FOXK1: variants seen among roughly 807,000 people sequenced by gnomAD.
The protein encoded by FOXK1 is forkhead box protein K1.
Under a neutral mutation model 51.9 loss-of-function variants are expected in FOXK1, and 19 were observed. That is an observed-to-expected ratio of 0.37 (90% confidence interval 0.26 to 0.54). The LOEUF (loss-of-function observed/expected upper bound fraction) is 0.54. Ranked by LOEUF, FOXK1 falls within the 20% of genes least tolerant of loss-of-function variation. FOXK1 has a pLI of 0.87. For missense variants in FOXK1, 870 were observed against 1,032.7 expected (o/e 0.84, Z 2.16); for synonymous variants, 537 against 482.6 (o/e 1.11, Z -1.48).
rs754942160 is a variant in FOXK1 at position 4,761,351 on chromosome 7, C to T, written c.1921+63C>T. 59 of 1,478,208 alleles carry T rather than the reference C, an allele frequency of 4.0e-5. No individual in the cohort carries two copies. The highest frequency in any genetic ancestry group is 1.8e-4 in the South Asian group (15 of 84,592). 91.6% of individuals were successfully genotyped at this position (1,478,208 alleles called of 1,614,324 possible). A position where few individuals can be genotyped will look rare whatever the true frequency, so the allele number is the denominator to read the frequency against. On this transcript the variant is annotated intron_variant, in intron 8 of 8. Coordinates refer to ENST00000328914, the MANE Select transcript of FOXK1 (RefSeq NM_001037165.2). This position sits in a 1 kb window ranked among gnomAD's most constrained non-coding sequence, Gnocchi z 6.2. ...GCTCTGTGGCTCCCAGTAGTCAGTGCGGCATGAGAATGTTCTCCCAGTATC... is the reference window on the plus strand; with the variant it reads ...GCTCTGTGGCTCCCAGTAGTCAGTGTGGCATGAGAATGTTCTCCCAGTATC...
At chr7:4,737,952 G>C (rs1322495945) in intron 1 of FOXK1, among the ~76,000 whole-genome samples, 4 of 151,536 alleles carry the variant, frequency 2.6e-5, no homozygotes, top group Non-Finnish European at 5.9e-5. Flanking sequence ...GAAAAACCCT[G>C]TCTCTACTAA....
Position 4,755,172 on chromosome 7 carries a change from CG to C in FOXK1, c.904-62del, listed in dbSNP as rs1780830395. ...GAAGGTTCCTCCCCATCAGCTGTGA[CG>C]GGTGGGTGGGGTAGACTCAGGGACC... On this transcript the variant is annotated intron_variant, in intron 3 of 8. Coordinates refer to ENST00000328914, the MANE Select transcript of FOXK1 (RefSeq NM_001037165.2). This position sits in a 1 kb window ranked among gnomAD's most constrained non-coding sequence, Gnocchi z 6.6. 6.3e-7 allele frequency: 1 copy of C among 1,577,918 alleles called. No homozygotes were observed. Among genetic ancestry groups the C allele is most frequent in the Non-Finnish European group, 8.6e-7 (1 of 1,156,418 alleles).
chr7:4,744,346 C>T (rs1395759796), intron 2 of FOXK1, among the ~76,000 whole-genome samples: 1 of 152,066 alleles, frequency 6.6e-6, no homozygotes, highest in Non-Finnish European at 1.5e-5. Context: ...TTCTGGGGTT[C>T]CCGTTACCTA....
In FOXK1 at chr7:4,743,756, A is replaced by G. The variant is rs1395224318; in HGVS notation, c.746+2733A>G. On this transcript the variant is annotated intron_variant, in intron 2 of 8. Coordinates refer to ENST00000328914, the MANE Select transcript of FOXK1 (RefSeq NM_001037165.2). This position sits in a 1 kb window ranked among gnomAD's most constrained non-coding sequence, Gnocchi z 5.3. ...TTTTGGGGCGGGTAGCAAAGGCCTCAGGTCCAGAGAGAAGCAGGCCAGGCA... is the reference window on the plus strand; with the variant it reads ...TTTTGGGGCGGGTAGCAAAGGCCTCGGGTCCAGAGAGAAGCAGGCCAGGCA... Among the ~76,000 whole-genome samples, 1 of 152,196 alleles carries G rather than the reference A, an allele frequency of 6.6e-6. No homozygotes were observed. Among genetic ancestry groups the G allele is most frequent in the Non-Finnish European group, 1.5e-5 (1 of 68,038 alleles).
chr7:4,724,993 TG>T (rs962251627), intron 1 of FOXK1, among the ~76,000 whole-genome samples: 1 of 152,136 alleles, frequency 6.6e-6, no homozygotes, highest in African/African-American at 2.4e-5. Context: ...GAAGTGGGTT[TG>T]GGGGGAGCCC....
In FOXK1 at chr7:4,745,512, C is replaced by T. The variant is rs1211221081; in HGVS notation, c.746+4489C>T. ...TGTTTCTGATTTATTTTTTTCTGCC[C>T]TGAAGTACTCCACCCAGAAAATGAA... On this transcript the variant is annotated intron_variant, in intron 2 of 8. Transcript: ENST00000328914. This position sits in a 1 kb window ranked among gnomAD's most constrained non-coding sequence, Gnocchi z 4.3. Among the ~76,000 whole-genome samples, 2 of 152,034 alleles carry T rather than the reference C, an allele frequency of 1.3e-5. No individual in the cohort carries two copies. Among genetic ancestry groups the T allele is most frequent in the Non-Finnish European group, 2.9e-5 (2 of 67,998 alleles).
chr7:4,750,435 G>C (rs890970386), intron 2 of FOXK1, among the ~76,000 whole-genome samples: 25 of 150,726 alleles, frequency 1.7e-4, no homozygotes, highest in Admixed American at 7.9e-4. Flanking sequence ...GTATGCCGTC[G>C]TTTTCAGCAC....
intron 2 of FOXK1, among the ~76,000 whole-genome samples, chr7:4,751,667 T>C (rs1371884793): frequency 2.0e-5 from 3 of 152,238 alleles, no homozygotes; most frequent in Admixed American, 1.3e-4. Flanking sequence ...ATGGGGCTTA[T>C]TGAGAGACGG....
chr7:4,702,754 A>G (rs557307382), intron 1 of FOXK1, among the ~76,000 whole-genome samples: 4 of 150,658 alleles, frequency 2.7e-5, no homozygotes, highest in Non-Finnish European at 5.9e-5. Context: ...AGACCGCTTC[A>G]TAGGTTGGTG....
At chr7:4,725,879 G>T (rs1389310236) in intron 1 of FOXK1, among the ~76,000 whole-genome samples, 1 of 152,232 alleles carries the variant, frequency 6.6e-6, no homozygotes, top group African/African-American at 2.4e-5. Flanking sequence ...CTTCTGGCTG[G>T]CAGGGGTGTG....
intron 7 of FOXK1, 106 bp downstream of exon 7, chr7:4,759,701 T>G (rs118117357): frequency 2.5e-4 from 329 of 1,300,610 alleles, no homozygotes; most frequent in Middle Eastern, 7.2e-4. Flanking sequence ...TTGAGGAGGA[T>G]GATTCTCTGC....
At chr7:4,710,736 C>T (rs1319052622) in intron 1 of FOXK1, among the ~76,000 whole-genome samples, 1 of 152,104 alleles carries the variant, frequency 6.6e-6, no homozygotes, top group Non-Finnish European at 1.5e-5. Flanking sequence ...GCGGTGGTGG[C>T]TCTGCAGCCC....
chr7:4,767,202 CCCCCCTAAAAAA>C lies in FOXK1; in HGVS notation c.*4739_*4750del, dbSNP rs925929801. On this transcript the variant is annotated 3_prime_UTR_variant, in exon 9 of 9. Coordinates refer to ENST00000328914, the MANE Select transcript of FOXK1 (RefSeq NM_001037165.2). The surrounding 1 kb of genome is among the most constrained non-coding windows in gnomAD (Gnocchi z 6.6). ...GCTCCTCCTCACCCCTCTGAGAAAG[CCCCCCTAAAAAA>C]AGGCTTCAGAGTCACCGGCATGCCG... 6.6e-6 allele frequency: 1 copy of C among 152,248 alleles called. No homozygotes were observed. The highest frequency in any genetic ancestry group is 2.4e-5 in the African/African-American group (1 of 41,460). 9.4% of individuals were successfully genotyped at this position (152,248 alleles called of 1,614,324 possible).
At chr7:4,697,947 C>T (rs1320170915) in intron 1 of FOXK1, among the ~76,000 whole-genome samples, 1 of 152,016 alleles carries the variant, frequency 6.6e-6, no homozygotes, top group Non-Finnish European at 1.5e-5. Context: ...GCCTCAGCCT[C>T]CCGAGTAGCT....
intron 1 of FOXK1, among the ~76,000 whole-genome samples, chr7:4,706,023 CGTGTATATACGTGTATATACGTGTATAT>C (rs1780095090): frequency 1.1e-5 from 1 of 92,958 alleles, no homozygotes; most frequent in African/African-American, 1.0e-4. Flanking sequence ...CGTATATATA[CGTGTATATACGTGTATATACGTGTATAT>C]ATGTATATAT....
In FOXK1 at chr7:4,749,094, C is replaced by G. The variant is rs976864707; in HGVS notation, c.747-5365C>G. On this transcript the variant is annotated intron_variant, in intron 2 of 8. Transcript: ENST00000328914. The surrounding 1 kb of genome is among the most constrained non-coding windows in gnomAD (Gnocchi z 6.0). Reference sequence around the variant, plus strand: ...TACTTTCTGAGGGATTTTCTCCAGTCTCTCCTTCCACCCTTTCTTGGATTT... The same window carrying G: ...TACTTTCTGAGGGATTTTCTCCAGTGTCTCCTTCCACCCTTTCTTGGATTT... Among the ~76,000 whole-genome samples the G allele has an allele frequency of 3.3e-5, 5 of 152,172 alleles. No homozygotes were observed. The highest frequency in any genetic ancestry group is 9.7e-5 in the African/African-American group (4 of 41,426).
rs1705310736 is a variant in FOXK1 at position 4,707,249 on chromosome 7, T to C, written c.560+24381T>C. 6.6e-6 allele frequency among the ~76,000 whole-genome samples: 1 copy of C among 151,886 alleles called. No individual in the cohort carries two copies. The highest frequency in any genetic ancestry group is 2.4e-5 in the African/African-American group (1 of 41,356). On this transcript the variant is annotated intron_variant, in intron 1 of 8. Coordinates refer to ENST00000328914, the MANE Select transcript of FOXK1 (RefSeq NM_001037165.2). This position sits in a 1 kb window ranked among gnomAD's most constrained non-coding sequence, Gnocchi z 4.1. ...GGGGAGCTCAGGGCGTTCGGGGTGG[T>C]GTTCTGGTGGAGGGGACGCTGGTAA...
Position 4,768,738 on chromosome 7 carries a change from A to G in FOXK1, c.*6274A>G, listed in dbSNP as rs75843896. ...TCCGGGCAAATCAGAAGGCCACGAG[A>G]GAGAGAGGAGCGGGGAGAGTGGTGA... On this transcript the variant is annotated 3_prime_UTR_variant, in exon 9 of 9. Coordinates refer to ENST00000328914, the MANE Select transcript of FOXK1 (RefSeq NM_001037165.2). The G allele has an allele frequency of 0.021, 3,203 of 152,282 alleles. 48 individuals are homozygous for G. The highest frequency in any genetic ancestry group is 0.054 in the Middle Eastern group (16 of 294). 9.4% of individuals were successfully genotyped at this position (152,282 alleles called of 1,614,324 possible).
At chr7:4,696,230 C>T (rs1048050314) in intron 1 of FOXK1, among the ~76,000 whole-genome samples, 4 of 151,812 alleles carry the variant, frequency 2.6e-5, no homozygotes, top group African/African-American at 9.7e-5. Context: ...AAAGGAAAGA[C>T]GCAAATCATC....
Sources: allele counts gnomAD v4.1 joint callset (sites outside exome capture counted in the v4.1 genomes callset), GRCh38; gene constraint gnomAD v4.1.1; non-coding constraint Gnocchi (gnomAD v3.1); transcripts MANE v1.5; gene names NCBI Gene and HGNC (gene_info 2026-07-23, HGNC 2026-07-21).